GNA14: variants seen among roughly 807,000 people sequenced by gnomAD.
GNA14 encodes guanine nucleotide-binding protein subunit alpha-14.
A neutral mutation model predicts 42.0 loss-of-function variants in GNA14; 50 were observed. That is an observed-to-expected ratio of 1.19 (90% CI 0.95 to 1.51). The LOEUF (loss-of-function observed/expected upper bound fraction) is 1.51, where lower values mean the gene tolerates loss of function less well. Among genes scored for constraint, GNA14 ranks in the 40% most tolerant of loss-of-function variants. GNA14 has a pLI of 0.00. For synonymous variants in GNA14, 173 were observed against 163.1 expected (o/e 1.06, Z -0.46); for missense variants, 473 against 446.2 (o/e 1.06, Z -0.54).
intron 1 of GNA14, among the ~76,000 whole-genome samples, chr9:77,624,452 C>T (rs1003154509): frequency 6.6e-6 from 1 of 152,208 alleles, no homozygotes; most frequent in Non-Finnish European, 1.5e-5. Flanking sequence ...AAGTGGGTCC[C>T]TGACTCCCAT....
intron 2 of GNA14, among the ~76,000 whole-genome samples, chr9:77,527,668 T>C (rs964057562): frequency 1.3e-5 from 2 of 152,164 alleles, no homozygotes; most frequent in African/African-American, 4.8e-5. Flanking sequence ...AGTTTCGCTC[T>C]TGTTGCCCAG....
chr9:77,499,850 A>AAAAT lies in GNA14; in HGVS notation c.309+29215_309+29218dup, dbSNP rs372910074. Among the ~76,000 whole-genome samples, 848 of 151,776 alleles carry AAAAT rather than the reference A, an allele frequency of 5.6e-3. 4 individuals carry two copies. Among genetic ancestry groups the AAAAT allele is most frequent in the East Asian group, 0.027 (137 of 5,166 alleles). The stretch of plus-strand genomic sequence containing the variant: ...AGGTGACAGGGCAAGACTGTCTCAA[A>AAAAT]AAATAAATAAATAAATAAATAAATA... On this transcript the variant is annotated intron_variant, in intron 2 of 6. Transcript: ENST00000341700.
chr9:77,608,513 G>A (rs965206326), intron 1 of GNA14, among the ~76,000 whole-genome samples: 5 of 152,144 alleles, frequency 3.3e-5, no homozygotes, highest in African/African-American at 1.2e-4. Context: ...GAAGTCATGG[G>A]CAGAGGCATC....
At chr9:77,578,231 G>A (rs981717343) in intron 1 of GNA14, among the ~76,000 whole-genome samples, 1 of 152,170 alleles carries the variant, frequency 6.6e-6, no homozygotes, top group Non-Finnish European at 1.5e-5. Context: ...AGCCGAGATC[G>A]TGCCATTACA....
chr9:77,461,623 T>C (rs919779467), intron 2 of GNA14, among the ~76,000 whole-genome samples: 1 of 152,134 alleles, frequency 6.6e-6, no homozygotes, highest in Non-Finnish European at 1.5e-5. Flanking sequence ...ATCATAAGGA[T>C]CAATTAGGAA....
chr9:77,566,587 T>C (rs1353989549), intron 1 of GNA14, among the ~76,000 whole-genome samples: 1 of 152,186 alleles, frequency 6.6e-6, no homozygotes, highest in Non-Finnish European at 1.5e-5. Flanking sequence ...AAGAGAATAT[T>C]CAAATTAATC....
chr9:77,579,708 C>T (rs1433125860), intron 1 of GNA14, among the ~76,000 whole-genome samples: 1 of 152,126 alleles, frequency 6.6e-6, no homozygotes, highest in East Asian at 1.9e-4. Context: ...AAAATGGGAT[C>T]GATTTCGTTT....
intron 2 of GNA14, among the ~76,000 whole-genome samples, chr9:77,491,024 A>G (rs975440562): frequency 1.3e-5 from 2 of 152,258 alleles, no homozygotes; most frequent in Non-Finnish European, 2.9e-5. Context: ...CTGGCAACAG[A>G]CTTCTCAATG....
chr9:77,592,555 C>T (rs1823407173), intron 1 of GNA14, among the ~76,000 whole-genome samples: 1 of 152,152 alleles, frequency 6.6e-6, no homozygotes. Context: ...GGGAGACAAG[C>T]TTTCTCCAGT....
At chr9:77,601,436 G>C (rs1823562903) in intron 1 of GNA14, among the ~76,000 whole-genome samples, 1 of 152,168 alleles carries the variant, frequency 6.6e-6, no homozygotes. Context: ...TAGAACACAC[G>C]TTATTTGAAT....
chr9:77,567,852 G>C (rs1395293660), intron 1 of GNA14, among the ~76,000 whole-genome samples: 2 of 152,198 alleles, frequency 1.3e-5, no homozygotes, highest in African/African-American at 4.8e-5. Context: ...GGGTGACAGA[G>C]AGAGACTCCG....
At chr9:77,443,211 T>G (rs1835764009) in intron 2 of GNA14, among the ~76,000 whole-genome samples, 1 of 152,246 alleles carries the variant, frequency 6.6e-6, no homozygotes, top group African/African-American at 2.4e-5. Flanking sequence ...AGATACATTT[T>G]GATGCATTCA....
intron 2 of GNA14, among the ~76,000 whole-genome samples, chr9:77,521,381 G>T (rs1370760607): frequency 1.3e-5 from 2 of 151,982 alleles, no homozygotes; most frequent in African/African-American, 4.8e-5. Context: ...TGAGGAAGTG[G>T]GACAGAAAAA....
intron 1 of GNA14, among the ~76,000 whole-genome samples, chr9:77,638,385 T>C (rs1824213516): frequency 6.6e-6 from 1 of 151,672 alleles, no homozygotes; most frequent in Admixed American, 6.6e-5. Context: ...CAACTAAGAG[T>C]AAATGGTGCA....
chr9:77,462,265 C>A (rs1836121083), intron 2 of GNA14, among the ~76,000 whole-genome samples: 6 of 152,186 alleles, frequency 3.9e-5, no homozygotes, highest in Admixed American at 3.9e-4. Flanking sequence ...ACAGGCAGTT[C>A]TTTTCCTCTG....
chr9:77,518,773 C>T (rs1204037776), intron 2 of GNA14, among the ~76,000 whole-genome samples: 3 of 152,148 alleles, frequency 2.0e-5, no homozygotes, highest in Non-Finnish European at 4.4e-5. Flanking sequence ...AAATAACTTC[C>T]TAACCAGGTC....
chr9:77,550,556 G>A (rs1393893264), intron 1 of GNA14, among the ~76,000 whole-genome samples: 2 of 152,166 alleles, frequency 1.3e-5, no homozygotes. Flanking sequence ...CCATCGCAGT[G>A]CACATCTAGG....
At chr9:77,459,664 C>T (rs6560597) in intron 2 of GNA14, among the ~76,000 whole-genome samples, 91,850 of 152,030 alleles carry the variant, frequency 0.6, 29,285 homozygotes, top group African/African-American at 0.81. Flanking sequence ...ATTTCTGCTA[C>T]TTATAAGCTA....
chr9:77,466,931 C>A (rs1302993827), intron 2 of GNA14, among the ~76,000 whole-genome samples: 1 of 151,632 alleles, frequency 6.6e-6, no homozygotes, highest in East Asian at 1.9e-4. Flanking sequence ...TCAGCATAAA[C>A]CACTTTTTGG....
Sources: gnomAD v4.1 joint callset for allele counts (sites outside exome capture counted in the v4.1 genomes callset) on GRCh38, gnomAD v4.1.1 for gene constraint, MANE v1.5 for transcripts, NCBI Gene and HGNC (gene_info 2026-07-23, HGNC 2026-07-21) for gene names.